EFCAB6: variants seen among roughly 807,000 people sequenced by gnomAD.
EFCAB6 encodes the protein EF-hand calcium binding domain 6, also known as EF-hand calcium-binding domain-containing protein 6.
In EFCAB6, 156 loss-of-function variants were observed where a neutral mutation model predicts 169.8. That is an observed-to-expected ratio of 0.92 (90% CI 0.81 to 1.05). The LOEUF (loss-of-function observed/expected upper bound fraction) is 1.05, where lower values mean the gene tolerates loss of function less well. Among genes scored for constraint, EFCAB6 ranks in the 50% least tolerant of loss-of-function variants. The pLI is 0.00. For missense variants in EFCAB6, 1,800 were observed against 1,829.1 expected (o/e 0.98, Z 0.29); for synonymous variants, 698 against 676.4 (o/e 1.03, Z -0.50).
intron 22 of EFCAB6, among the ~76,000 whole-genome samples, chr22:43,601,638 G>A (rs965339569): frequency 5.9e-5 from 9 of 152,244 alleles, no homozygotes; most frequent in Admixed American, 2.0e-4. Flanking sequence ...AGCCCTGTAC[G>A]ACTGTTTGAG....
intron 12 of EFCAB6, among the ~76,000 whole-genome samples, chr22:43,680,594 T>C (rs1191054442): frequency 2.6e-5 from 4 of 152,226 alleles, no homozygotes; most frequent in African/African-American, 9.6e-5. Flanking sequence ...ATATGGAATG[T>C]ATTTTATTTA....
At chr22:43,677,643 GGAGAGA>G (rs1338023119) in intron 13 of EFCAB6, among the ~76,000 whole-genome samples, 5 of 151,942 alleles carry the variant, frequency 3.3e-5, no homozygotes, top group South Asian at 2.1e-4. Context: ...GAGACTCGAC[GGAGAGA>G]GACTCCATCT....
At position 43,530,613 on chromosome 22, in the gene EFCAB6, G is replaced by C. The variant is rs1402676085; in HGVS notation, c.4383+202C>G. On this transcript the variant is annotated intron_variant, in intron 31 of 31. Coordinates refer to ENST00000262726, the MANE Select transcript of EFCAB6 (RefSeq NM_022785.4). ...TCCACGCAGGGCTCCAGCAACCTTTGGGAAGGAGAACCCGGGGTCTGAAGG... is the reference window on the plus strand; with the variant it reads ...TCCACGCAGGGCTCCAGCAACCTTTCGGAAGGAGAACCCGGGGTCTGAAGG... 3 of 985,310 alleles carry C rather than the reference G, an allele frequency of 3.0e-6. No individual in the cohort carries two copies. The East Asian group carries it at 3.4e-4, about 112-fold the overall frequency. 61.0% of individuals were successfully genotyped at this position (985,310 alleles called of 1,614,324 possible).
intron 20 of EFCAB6, among the ~76,000 whole-genome samples, chr22:43,625,999 A>G (rs557572880): frequency 8.1e-4 from 124 of 152,370 alleles, no homozygotes; most frequent in African/African-American, 2.9e-3. Context: ...AGCAAAAAGC[A>G]TATATTTTTG....
At chr22:43,711,753 G>C in intron 9 of EFCAB6, 130 bp from the exon 10 acceptor site, 2 of 1,076,560 alleles carry the variant, frequency 1.9e-6, no homozygotes, top group Non-Finnish European at 2.5e-6. Context: ...GGTTACTATG[G>C]CATGTACTGA....
intron 6 of EFCAB6, among the ~76,000 whole-genome samples, chr22:43,739,717 T>A (rs992256386): frequency 1.3e-5 from 2 of 152,116 alleles, no homozygotes; most frequent in Non-Finnish European, 2.9e-5. Flanking sequence ...ATATGCAGTA[T>A]ATCAGGAGAG....
chr22:43,752,370 G>A (rs1385927591), intron 6 of EFCAB6, among the ~76,000 whole-genome samples: 1 of 151,990 alleles, frequency 6.6e-6, no homozygotes, highest in Non-Finnish European at 1.5e-5. Flanking sequence ...CGCCTGCCTC[G>A]GCCTCCCAAA....
In EFCAB6 at chr22:43,632,146, ATTC is replaced by A. The variant is rs780961224; in HGVS notation, c.2188_2190del (p.Glu730del). ...AGCCTCCTAGGGAAAAGCTTCAGGCATTCTTCTGCGGTGATAAAGTGGCTGTTC... is the reference window on the plus strand; with the variant it reads ...AGCCTCCTAGGGAAAAGCTTCAGGCATTCTGCGGTGATAAAGTGGCTGTTC... On this transcript the variant is annotated inframe_deletion, in exon 19 of 32. Coordinates refer to ENST00000262726, the MANE Select transcript of EFCAB6 (RefSeq NM_022785.4). 6.1e-5 allele frequency: 98 copies of A among 1,614,058 alleles called. No homozygotes were observed. The highest frequency in any genetic ancestry group is 8.3e-5 in the Non-Finnish European group (98 of 1,180,036).
At chr22:43,611,968 G>C (rs1004776611) in intron 21 of EFCAB6, among the ~76,000 whole-genome samples, 1 of 152,058 alleles carries the variant, frequency 6.6e-6, no homozygotes, top group South Asian at 2.1e-4. Flanking sequence ...CAGACACATA[G>C]ACCAGTGGAA....
rs1175670508 is a variant in EFCAB6, at chr22:43,782,190, T to C, written c.129A>G (p.Arg43=). The part of the protein sequence containing the change: ...YSRNGSPNKF[R]SSSTTAVANP... ...CTCATGAATACTTACTTGAAGAAGA[T>C]CTGAACTTATTTGGGGAACCATTCC... The change falls in exon 3 of 32, where the codon AGA becomes AGG. Residue 43 remains arginine (R), a synonymous_variant. Coordinates refer to ENST00000262726, the MANE Select transcript of EFCAB6 (RefSeq NM_022785.4). 1.2e-6 allele frequency: 2 copies of C among 1,612,276 alleles called. No individual in the cohort carries two copies. The highest frequency in any genetic ancestry group is 2.2e-5 in the South Asian group (2 of 90,454).
At chr22:43,577,225 C>T (rs2050317052) in intron 25 of EFCAB6, among the ~76,000 whole-genome samples, 2 of 152,024 alleles carry the variant, frequency 1.3e-5, no homozygotes, top group South Asian at 4.1e-4. Flanking sequence ...TTCCATCTGT[C>T]GAAATAAAAT....
At chr22:43,806,340 C>T (rs2062922436) in intron 2 of EFCAB6, among the ~76,000 whole-genome samples, 1 of 151,746 alleles carries the variant, frequency 6.6e-6, no homozygotes, top group African/African-American at 2.4e-5. Context: ...GCCTCACCTT[C>T]AGGGCTCAAG....
At chr22:43,729,938 G>T (rs142854093) in intron 8 of EFCAB6, among the ~76,000 whole-genome samples, 1 of 151,902 alleles carries the variant, frequency 6.6e-6, no homozygotes, top group African/African-American at 2.4e-5. Flanking sequence ...TAGGCAGGAG[G>T]ATCACTTAAG....
chr22:43,775,010 G>T (rs564434240), intron 3 of EFCAB6, among the ~76,000 whole-genome samples: 1 of 152,200 alleles, frequency 6.6e-6, no homozygotes, highest in South Asian at 2.1e-4. Flanking sequence ...AGACAGGCTG[G>T]GTGACTACAG....
At chr22:43,736,505 C>T (rs1431561625) in intron 6 of EFCAB6, among the ~76,000 whole-genome samples, 1 of 152,120 alleles carries the variant, frequency 6.6e-6, no homozygotes, top group Non-Finnish European at 1.5e-5. Flanking sequence ...GGTGCACAGA[C>T]ACACATGACA....
intron 23 of EFCAB6, among the ~76,000 whole-genome samples, chr22:43,593,066 TA>T (rs56287650): frequency 1.5e-3 from 212 of 144,854 alleles, no homozygotes; most frequent in African/African-American, 2.8e-3. Flanking sequence ...GAGGAGGAGG[TA>T]AAAAAAAAAA....
chr22:43,559,363 C>T (rs1009170705), intron 26 of EFCAB6, among the ~76,000 whole-genome samples: 1 of 152,202 alleles, frequency 6.6e-6, no homozygotes, highest in African/African-American at 2.4e-5. Flanking sequence ...CAGGAAACAA[C>T]AGATGCTGGT....
intron 27 of EFCAB6, among the ~76,000 whole-genome samples, chr22:43,547,164 T>A (rs1444437919): frequency 6.6e-6 from 1 of 151,964 alleles, no homozygotes; most frequent in Non-Finnish European, 1.5e-5. Flanking sequence ...AAATGAAATC[T>A]AGGGAAAATC....
intron 27 of EFCAB6, among the ~76,000 whole-genome samples, chr22:43,546,696 C>T (rs554976788): frequency 5.3e-5 from 8 of 151,840 alleles, no homozygotes; most frequent in Admixed American, 3.9e-4. Context: ...CATGGTGAAA[C>T]ACCCGTCTCT....
Sources: allele counts gnomAD v4.1 joint callset (sites outside exome capture counted in the v4.1 genomes callset), GRCh38; gene constraint gnomAD v4.1.1; transcripts MANE v1.5; gene names NCBI Gene and HGNC (gene_info 2026-07-23, HGNC 2026-07-21).